Variants in NRG1 observed in about 807,000 individuals in gnomAD.
NRG1 encodes pro-neuregulin-1, membrane-bound isoform.
Under a neutral mutation model 63.8 loss-of-function variants are expected in NRG1, and 18 were observed. The observed-to-expected ratio is 0.28, with a 90% CI of 0.19 to 0.42. NRG1 has a LOEUF of 0.42. NRG1 is among the 10% of genes least tolerant of loss of function. The probability of loss-of-function intolerance (pLI) is 1.00; values close to 1 mark genes in which losing one functional copy is unlikely to be tolerated. For missense variants in NRG1, 762 were observed against 814.7 expected (o/e 0.94, Z 0.79); for synonymous variants, 302 against 301.3 (o/e 1.00, Z -0.02).
chr8:31,881,202 T>C lies in NRG1; in HGVS notation c.37+241771T>C, dbSNP rs536804581. ...TTTTGACAATCCTATGTCAAGCAAGTCTATTGGTGCCATTGTTCCAACAGA... is the reference window on the plus strand; with the variant it reads ...TTTTGACAATCCTATGTCAAGCAAGCCTATTGGTGCCATTGTTCCAACAGA... On this transcript the variant is annotated intron_variant, in intron 1 of 10. Transcript: ENST00000519301. 5.1e-4 allele frequency among the ~76,000 whole-genome samples: 77 copies of C among 152,312 alleles called. 1 individual carries two copies. The highest frequency in any genetic ancestry group is 1.6e-3 in the African/African-American group (67 of 41,570).
chr8:32,356,091 A>T lies in NRG1; in HGVS notation c.38-239737A>T, dbSNP rs549583247. Reference sequence around the variant, plus strand: ...CAGGAGGACAGAGGACAAGTACCCTACTCCTGTGTAAATCCAGACTGCCAA... The same window carrying T: ...CAGGAGGACAGAGGACAAGTACCCTTCTCCTGTGTAAATCCAGACTGCCAA... On this transcript the variant is annotated intron_variant, in intron 1 of 10. Coordinates refer to the NRG1 transcript ENST00000519301. Among the ~76,000 whole-genome samples, 13 of 152,236 alleles carry T rather than the reference A, an allele frequency of 8.5e-5. No individual in the cohort carries two copies. In the South Asian group the frequency reaches 2.7e-3, roughly 32 times the overall value.
chr8:32,764,319 C>A (rs777461776), exon 12 of NRG1: 4 of 1,613,892 alleles, frequency 2.5e-6, no homozygotes, highest in Non-Finnish European at 3.4e-6. Context: ...CAGGACTAAC[C>A]CAGCAGGCCG....
At chr8:32,308,592 T>C (rs1387923153) in intron 1 of NRG1, among the ~76,000 whole-genome samples, 2 of 152,206 alleles carry the variant, frequency 1.3e-5, no homozygotes, top group East Asian at 3.9e-4. Context: ...AAGCATGATG[T>C]TGGGCTTGGT....
At chr8:32,474,927 G>A (rs1290081030) in intron 1 of NRG1, among the ~76,000 whole-genome samples, 1 of 152,108 alleles carries the variant, frequency 6.6e-6, no homozygotes, top group African/African-American at 2.4e-5. Context: ...GTTTATTTAT[G>A]CAAAGCACAT....
At chr8:32,413,235 T>G (rs1459951709) in intron 1 of NRG1, among the ~76,000 whole-genome samples, 1 of 152,216 alleles carries the variant, frequency 6.6e-6, no homozygotes, top group Non-Finnish European at 1.5e-5. Flanking sequence ...AATAGGCGAT[T>G]GGTTAAATGT....
At chr8:32,558,063 A>T (rs949966570) in intron 1 of NRG1, among the ~76,000 whole-genome samples, 9 of 152,200 alleles carry the variant, frequency 5.9e-5, no homozygotes, top group Non-Finnish European at 1.3e-4. Flanking sequence ...AAGGATAGCG[A>T]TCCACTTAAA....
chr8:31,998,354 ATGAAGC>A (rs1372660289), intron 1 of NRG1, among the ~76,000 whole-genome samples: 1 of 152,044 alleles, frequency 6.6e-6, no homozygotes. Flanking sequence ...TAATATTCAC[ATGAAGC>A]TGAAAATCTA....
At chr8:31,855,494 G>A (rs1323340804) in intron 1 of NRG1, among the ~76,000 whole-genome samples, 1 of 151,952 alleles carries the variant, frequency 6.6e-6, no homozygotes, top group Admixed American at 6.6e-5. Flanking sequence ...TTTATTTTGA[G>A]CCTATGTGTG....
chr8:31,807,753 A>G (rs963339951), intron 1 of NRG1, among the ~76,000 whole-genome samples: 1 of 152,090 alleles, frequency 6.6e-6, no homozygotes, highest in Non-Finnish European at 1.5e-5. Flanking sequence ...CTTCACTCAG[A>G]CCCTGGCTTC....
chr8:31,752,522 T>C (rs1004801471), intron 1 of NRG1, among the ~76,000 whole-genome samples: 2 of 152,028 alleles, frequency 1.3e-5, no homozygotes, highest in East Asian at 3.9e-4. Context: ...TAACATCCAG[T>C]ATATGCCAGA....
At chr8:31,675,321 A>G (rs937699941) in intron 1 of NRG1, among the ~76,000 whole-genome samples, 2 of 152,208 alleles carry the variant, frequency 1.3e-5, no homozygotes, top group Non-Finnish European at 2.9e-5. Flanking sequence ...AGCATGGGTG[A>G]CAAAAGCAAA....
At chr8:32,064,697 T>C (rs1171710249) in intron 1 of NRG1, among the ~76,000 whole-genome samples, 2 of 152,152 alleles carry the variant, frequency 1.3e-5, no homozygotes, top group Non-Finnish European at 2.9e-5. Context: ...GGAATAGCCT[T>C]ACCAATTTGG....
intron 1 of NRG1, among the ~76,000 whole-genome samples, chr8:32,426,271 G>A (rs927157761): frequency 6.6e-6 from 1 of 152,160 alleles, no homozygotes; most frequent in Admixed American, 6.5e-5. Flanking sequence ...GTAGGTTGCT[G>A]TGAACTACAG....
chr8:31,964,018 G>T (rs1159038437), intron 1 of NRG1, among the ~76,000 whole-genome samples: 1 of 152,068 alleles, frequency 6.6e-6, no homozygotes, highest in Non-Finnish European at 1.5e-5. Context: ...ACATGCCACT[G>T]GCTGGCTGGG....
intron 1 of NRG1, among the ~76,000 whole-genome samples, chr8:32,069,241 G>A (rs979574852): frequency 6.6e-6 from 1 of 152,164 alleles, no homozygotes; most frequent in African/African-American, 2.4e-5. Context: ...AAGACAAAGA[G>A]TAGTAGATGA....
chr8:31,796,828 T>A (rs1209988566), intron 1 of NRG1, among the ~76,000 whole-genome samples: 2 of 151,900 alleles, frequency 1.3e-5, no homozygotes, highest in Admixed American at 1.3e-4. Context: ...CATGGAAATG[T>A]TTTTTTTCCA....
intron 1 of NRG1, among the ~76,000 whole-genome samples, chr8:32,511,984 T>C (rs549738594): frequency 1.3e-5 from 2 of 152,280 alleles, no homozygotes; most frequent in East Asian, 3.9e-4. Flanking sequence ...TGTGCTGGTC[T>C]CTTTCCTGCC....
chr8:32,645,989 G>A (rs1048562061), intron 5 of NRG1, among the ~76,000 whole-genome samples: 1 of 152,182 alleles, frequency 6.6e-6, no homozygotes, highest in Non-Finnish European at 1.5e-5. Flanking sequence ...AGTACTTTCA[G>A]TGCGGTGATA....
At chr8:31,932,359 A>C (rs1013696933) in intron 1 of NRG1, among the ~76,000 whole-genome samples, 2 of 152,186 alleles carry the variant, frequency 1.3e-5, no homozygotes, top group Admixed American at 1.3e-4. Flanking sequence ...ATCTTATAGA[A>C]TCAGCTACCC....
Sources: allele counts gnomAD v4.1 joint callset (sites outside exome capture counted in the v4.1 genomes callset), GRCh38; gene constraint gnomAD v4.1.1; transcripts MANE v1.5; gene names NCBI Gene and HGNC (gene_info 2026-07-23, HGNC 2026-07-21).